GALC: variants seen among roughly 807,000 people sequenced by gnomAD.
GALC encodes galactosylceramidase, also known as galactocerebrosidase.
GALC carries 77 observed loss-of-function variants against 91.8 expected under a neutral mutation model. The observed-to-expected ratio is 0.84, with a 90% CI of 0.70 to 1.01. The LOEUF (loss-of-function observed/expected upper bound fraction) is 1.01, where lower values mean the gene tolerates loss of function less well. Ranked by LOEUF, GALC falls within the 50% of genes least tolerant of loss-of-function variation. GALC has a pLI of 0.00. For synonymous variants in GALC, 357 were observed against 306.7 expected (o/e 1.16, Z -1.71); for missense variants, 882 against 855.9 (o/e 1.03, Z -0.38).
At chr14:87,951,517 T>A (rs1234153193) in intron 10 of GALC, among the ~76,000 whole-genome samples, 1 of 151,908 alleles carries the variant, frequency 6.6e-6, no homozygotes, top group African/African-American at 2.4e-5. Context: ...AATGCCTCCA[T>A]CTAGCAACAG....
chr14:87,937,441 G>T (rs1884626779), intron 16 of GALC, among the ~76,000 whole-genome samples: 1 of 151,932 alleles, frequency 6.6e-6, no homozygotes, highest in Admixed American at 6.6e-5. Context: ...TGTGGCAAAA[G>T]CTGAGATTCA....
At chr14:87,983,122 G>A (rs1224624779) in intron 5 of GALC, among the ~76,000 whole-genome samples, 2 of 151,942 alleles carry the variant, frequency 1.3e-5, no homozygotes, top group Non-Finnish European at 2.9e-5. Flanking sequence ...GGCGGATCAC[G>A]AGGTCAGGAG....
At chr14:87,940,161 C>T (rs945014260) in intron 15 of GALC, among the ~76,000 whole-genome samples, 180 bp from the exon 16 acceptor site, 2 of 151,804 alleles carry the variant, frequency 1.3e-5, no homozygotes, top group Admixed American at 6.6e-5. Flanking sequence ...TTCATTTAGC[C>T]ATGCATTTAA....
chr14:87,981,900 A>G (rs531440708), intron 6 of GALC, among the ~76,000 whole-genome samples: 1 of 152,322 alleles, frequency 6.6e-6, no homozygotes, highest in Non-Finnish European at 1.5e-5. Context: ...CTAAAATGAT[A>G]TAATTGTTTC....
chr14:87,934,576 G>A lies in GALC; in HGVS notation c.*156C>T, dbSNP rs1402234068. On this transcript the variant is annotated 3_prime_UTR_variant, in exon 17 of 17. Transcript: ENST00000261304. The stretch of plus-strand genomic sequence containing the variant: ...TTAATTCTAATAAAATCTTCCACAG[G>A]GTAAATTAAAAATAAATTTCTCTCC... 1 of 1,493,418 alleles carries A rather than the reference G, an allele frequency of 6.7e-7. No individual in the cohort carries two copies. The highest frequency in any genetic ancestry group is 2.3e-5 in the Admixed American group (1 of 43,902). 92.5% of individuals were successfully genotyped at this position (1,493,418 alleles called of 1,614,324 possible). A position where few individuals can be genotyped will look rare whatever the true frequency, so the allele number is the denominator to read the frequency against.
intron 1 of GALC, among the ~76,000 whole-genome samples, chr14:87,991,327 C>T (rs1444347034): frequency 4.6e-5 from 7 of 152,122 alleles, no homozygotes; most frequent in Non-Finnish European, 7.4e-5. Context: ...CTCAGCCTCC[C>T]GAGTAGCTGG....
chr14:87,963,990 T>C (rs951163879), intron 9 of GALC, among the ~76,000 whole-genome samples: 6 of 152,152 alleles, frequency 3.9e-5, no homozygotes, highest in Non-Finnish European at 8.8e-5. Context: ...GTCCCAACCC[T>C]TGGAAAAATC....
At position 87,976,343 on chromosome 14, in the gene GALC, T is replaced by G; in HGVS notation, c.752+15A>C. On this transcript the variant is annotated intron_variant, in intron 7 of 16. Transcript: ENST00000261304. Reference sequence around the variant, plus strand: ...AATCAGAAACTGCTAGTTTTCCAAGTAAAACATGCCTTACCCTATAACATC... The same window carrying G: ...AATCAGAAACTGCTAGTTTTCCAAGGAAAACATGCCTTACCCTATAACATC... The G allele has an allele frequency of 1.2e-6, 2 of 1,613,650 alleles. No homozygotes were observed. Among genetic ancestry groups the G allele is most frequent in the South Asian group, 2.2e-5 (2 of 91,080 alleles).
intron 6 of GALC, 121 bp from the exon 7 acceptor site, chr14:87,976,609 G>A: frequency 3.5e-6 from 2 of 567,776 alleles, no homozygotes; most frequent in South Asian, 4.0e-5. Flanking sequence ...AGCTTCTTTT[G>A]TTTGTTTGTT....
chr14:87,934,849 G>A lies in GALC; in HGVS notation c.1941C>T (p.Asp647=). The A allele has an allele frequency of 6.2e-7, 1 of 1,612,572 alleles. No homozygotes were observed. Among genetic ancestry groups the A allele is most frequent in the South Asian group, 1.1e-5 (1 of 91,064 alleles). ...KGHFTSGMLN[D]KSLWTDIPVN... The stretch of plus-strand genomic sequence containing the variant: ...CAGGGATGTCTGTCCACAGAGACTT[G>A]TCATTCAGCATGCCAGAGGTGAAAT... Residue 647 remains aspartate (D), a synonymous_variant, in exon 17 of 17, where the codon GAC becomes GAT. Transcript: ENST00000261304.
At chr14:87,967,064 G>A (rs1179929346) in intron 8 of GALC, among the ~76,000 whole-genome samples, 1 of 152,126 alleles carries the variant, frequency 6.6e-6, no homozygotes, top group Non-Finnish European at 1.5e-5. Flanking sequence ...AGTGTCTCGG[G>A]TGCTTCTTAA....
chr14:87,952,393 T>C (rs149867504), intron 10 of GALC: 223 of 380,818 alleles, frequency 5.9e-4, no homozygotes, highest in African/African-American at 4.1e-3. Context: ...CATAGAGAGG[T>C]TTAAGACTAA....
intron 14 of GALC, among the ~76,000 whole-genome samples, chr14:87,943,958 A>C (rs1243363768): frequency 6.6e-6 from 1 of 151,960 alleles, no homozygotes; most frequent in African/African-American, 2.4e-5. Context: ...TGAGCAGGGG[A>C]ATAACATGAT....
rs535916433 is a variant in GALC, at chr14:87,934,501, T to C, written c.*231A>G. On this transcript the variant is annotated 3_prime_UTR_variant, in exon 17 of 17. Coordinates refer to ENST00000261304, the MANE Select transcript of GALC (RefSeq NM_000153.4). The stretch of plus-strand genomic sequence containing the variant: ...TATGGCCAATGCACAGTTTGAATGT[T>C]AGGGAACACACCAGGTAATGTTAAA... 2.0e-5 allele frequency: 28 copies of C among 1,408,864 alleles called. No homozygotes were observed. In the East Asian group the frequency reaches 5.2e-4, roughly 26 times the overall value. 87.3% of individuals were successfully genotyped at this position (1,408,864 alleles called of 1,614,324 possible). A position where few individuals can be genotyped will look rare whatever the true frequency, so the allele number is the denominator to read the frequency against.
chr14:87,942,236 C>T (rs934753501), intron 14 of GALC, among the ~76,000 whole-genome samples: 6 of 151,984 alleles, frequency 3.9e-5, no homozygotes, highest in African/African-American at 1.4e-4. Context: ...GCATGTCTAA[C>T]AAGTTCCCAG....
At chr14:87,961,365 T>C (rs1204031532) in intron 10 of GALC, among the ~76,000 whole-genome samples, 1 of 152,136 alleles carries the variant, frequency 6.6e-6, no homozygotes, top group Non-Finnish European at 1.5e-5. Flanking sequence ...CTGGTGGCAA[T>C]GTAAAATGGT....
At chr14:87,965,288 C>T (rs1223355027) in intron 9 of GALC, among the ~76,000 whole-genome samples, 3 of 152,098 alleles carry the variant, frequency 2.0e-5, no homozygotes, top group Non-Finnish European at 4.4e-5. Flanking sequence ...TCTCCCCCTC[C>T]TCTCCTACAC....
chr14:87,952,663 T>C lies in GALC; in HGVS notation c.1162-1915A>G, dbSNP rs868704528. The C allele has an allele frequency of 8.5e-6, 13 of 1,532,006 alleles. No individual in the cohort carries two copies. In the African/African-American group the frequency reaches 1.1e-4, roughly 13 times the overall value. The allele number at this position is 1,532,006 out of a possible 1,614,324, so 94.9% of individuals were successfully genotyped here. ...AAGGATGAAAAACAGCACAAAAATC[T>C]TGAAAACTATGAAGTCCCAGAATCT... On this transcript the variant is annotated intron_variant, in intron 10 of 16. Coordinates refer to ENST00000261304, the MANE Select transcript of GALC (RefSeq NM_000153.4).
In GALC at chr14:87,933,960, A is replaced by G; in HGVS notation, c.*772T>C. The G allele has an allele frequency of 6.5e-7, 1 of 1,530,592 alleles. No homozygotes were observed. Among genetic ancestry groups the G allele is most frequent in the Non-Finnish European group, 8.8e-7 (1 of 1,142,308 alleles). The allele number at this position is 1,530,592 out of a possible 1,614,324, so 94.8% of individuals were successfully genotyped here. On this transcript the variant is annotated 3_prime_UTR_variant, in exon 17 of 17. Transcript: ENST00000261304. ...ATGAGGCTGAGGAAACGACTACAAC[A>G]GCATTGGCTATATCAGGTTTTCTTC...
Sources: gnomAD v4.1 joint callset for allele counts (sites outside exome capture counted in the v4.1 genomes callset) on GRCh38, gnomAD v4.1.1 for gene constraint, MANE v1.5 for transcripts, NCBI Gene and HGNC (gene_info 2026-07-23, HGNC 2026-07-21) for gene names.